Variants in RBM6 observed in about 807,000 individuals in gnomAD.
RBM6 encodes RNA binding motif protein 6.
A neutral mutation model predicts 140.4 loss-of-function variants in RBM6; 23 were observed. The observed-to-expected ratio is 0.16, with a 90% CI of 0.12 to 0.23. The LOEUF is 0.23. RBM6 is among the 10% of genes least tolerant of loss of function. RBM6 has a pLI of 1.00. For synonymous variants in RBM6, 439 were observed against 475.6 expected (o/e 0.92, Z 1.00); for missense variants, 1,139 against 1,386.7 (o/e 0.82, Z 2.84).
At chr3:49,952,292 G>A (rs1458086045) in intron 1 of RBM6, among the ~76,000 whole-genome samples, 10 of 152,092 alleles carry the variant, frequency 6.6e-5, no homozygotes, top group Non-Finnish European at 1.5e-4. Flanking sequence ...GCCTCCCAAA[G>A]TGCTGGGATT....
chr3:49,998,945 C>G (rs1246121563), intron 5 of RBM6, among the ~76,000 whole-genome samples: 1 of 152,042 alleles, frequency 6.6e-6, no homozygotes. Context: ...AGTCTGTCAG[C>G]ACTTCTGTCT....
chr3:50,013,355 G>A (rs2086953465), intron 6 of RBM6, among the ~76,000 whole-genome samples: 1 of 151,818 alleles, frequency 6.6e-6, no homozygotes, highest in African/African-American at 2.4e-5. Context: ...GCACTGTGAG[G>A]TTTTTATAGG....
chr3:50,000,750 G>A (rs1247612591), intron 6 of RBM6, among the ~76,000 whole-genome samples: 2 of 152,146 alleles, frequency 1.3e-5, no homozygotes, highest in Non-Finnish European at 2.9e-5. Context: ...GGCTCTGCCA[G>A]AGAAGAGTAG....
At chr3:50,021,512 C>T (rs1015649605) in intron 6 of RBM6, among the ~76,000 whole-genome samples, 2 of 151,894 alleles carry the variant, frequency 1.3e-5, no homozygotes, top group African/African-American at 2.4e-5. Context: ...TGGTGGCACA[C>T]GCCTGTAATC....
At chr3:50,011,839 C>CT (rs201167549) in intron 6 of RBM6, among the ~76,000 whole-genome samples, 16,384 of 143,662 alleles carry the variant, frequency 0.11, 978 homozygotes, top group African/African-American at 0.15. Context: ...TCTTTTCTTT[C>CT]TTTTTTTTTT....
chr3:50,005,495 C>CAAAAAAAAA (rs35202304), intron 6 of RBM6, among the ~76,000 whole-genome samples: 1 of 101,380 alleles, frequency 9.9e-6, no homozygotes. Flanking sequence ...GATCCTGCCT[C>CAAAAAAAAA]AAAAAAAAAA....
At chr3:49,949,384 AT>A (rs923797062) in intron 1 of RBM6, among the ~76,000 whole-genome samples, 3 of 150,046 alleles carry the variant, frequency 2.0e-5, no homozygotes, top group Non-Finnish European at 4.5e-5. Context: ...TCAGGACAAC[AT>A]TTTTTTTTGT....
chr3:50,045,285 C>T (rs1019209885), intron 6 of RBM6, among the ~76,000 whole-genome samples: 4 of 152,134 alleles, frequency 2.6e-5, no homozygotes, highest in African/African-American at 9.7e-5. Flanking sequence ...GACAGTAGTG[C>T]CTTGTTCTTA....
At chr3:50,069,287 C>T (rs997835115) in intron 18 of RBM6, among the ~76,000 whole-genome samples, 1 of 151,888 alleles carries the variant, frequency 6.6e-6, no homozygotes, top group Non-Finnish European at 1.5e-5. Context: ...CTGAGACGGG[C>T]GGATCACTTG....
At chr3:50,049,907 C>G (rs1384122734) in intron 7 of RBM6, among the ~76,000 whole-genome samples, 1 of 150,992 alleles carries the variant, frequency 6.6e-6, no homozygotes, top group East Asian at 1.9e-4. Flanking sequence ...AGGCTGGTCT[C>G]ACAGTCCCTG....
At position 49,984,833 on chromosome 3, in the gene RBM6, G is replaced by A. The variant is rs564024761; in HGVS notation, c.1483+9441G>A. ...AAATTTTCAGATTTTGCATCTTCTG[G>A]CATCTCAGCTAAATAGCTCTGAGGA... On this transcript the variant is annotated intron_variant, in intron 5 of 20. Transcript: ENST00000266022. Among the ~76,000 whole-genome samples, 182 of 152,294 alleles carry A rather than the reference G, an allele frequency of 1.2e-3. 6 individuals are homozygous for A. The South Asian group carries it at 0.036, about 31-fold the overall frequency.
At chr3:50,041,026 C>T (rs564762941) in intron 6 of RBM6, among the ~76,000 whole-genome samples, 7 of 152,222 alleles carry the variant, frequency 4.6e-5, no homozygotes, top group East Asian at 1.9e-4. Flanking sequence ...AACAGTCAGC[C>T]GTTTTGCTTC....
At chr3:50,042,217 CTT>C (rs2088959447) in intron 6 of RBM6, among the ~76,000 whole-genome samples, 1 of 152,192 alleles carries the variant, frequency 6.6e-6, no homozygotes, top group Non-Finnish European at 1.5e-5. Context: ...GTAATTGTGA[CTT>C]TTCAATGTGA....
In RBM6 at chr3:50,070,566, T is replaced by A; in HGVS notation, c.3116+14T>A. ...GGAAACTGACAGGTAAGCCAGGAAC[T>A]CTTCATTCAGCCTAGGCCTCAAGCC... On this transcript the variant is annotated intron_variant, in intron 19 of 20. Transcript: ENST00000266022. The A allele has an allele frequency of 6.3e-7, 1 of 1,590,730 alleles. No individual in the cohort carries two copies.
rs534993310 is a variant in RBM6, at chr3:50,063,623, G to A, written c.2587-1408G>A. Among the ~76,000 whole-genome samples, 50 of 151,468 alleles carry A rather than the reference G, an allele frequency of 3.3e-4. No homozygotes were observed. The South Asian group carries it at 9.8e-3, about 30-fold the overall frequency. ...AAAAAAAAAAAAAAGAAAATCTGCCGGGCATGGTGGCTCATGCCTGTAATC... is the reference window on the plus strand; with the variant it reads ...AAAAAAAAAAAAAAGAAAATCTGCCAGGCATGGTGGCTCATGCCTGTAATC... On this transcript the variant is annotated intron_variant, in intron 15 of 20. Coordinates refer to ENST00000266022, the MANE Select transcript of RBM6 (RefSeq NM_005777.3).
intron 6 of RBM6, among the ~76,000 whole-genome samples, chr3:50,025,250 C>G (rs2108805497): frequency 1.3e-5 from 2 of 151,916 alleles, no homozygotes; most frequent in South Asian, 4.2e-4. Flanking sequence ...TGGCGAAACC[C>G]CGTCTTTTCT....
chr3:49,971,073 C>A (rs1179712398), intron 3 of RBM6, among the ~76,000 whole-genome samples: 2 of 151,758 alleles, frequency 1.3e-5, no homozygotes, highest in Non-Finnish European at 2.9e-5. Flanking sequence ...TTGAGACCAG[C>A]CTGACCAACA....
chr3:49,985,705 C>T lies in RBM6; in HGVS notation c.1483+10313C>T, dbSNP rs1209451021. On this transcript the variant is annotated intron_variant, in intron 5 of 20. Coordinates refer to ENST00000266022, the MANE Select transcript of RBM6 (RefSeq NM_005777.3). ...CACTGCAACCTCCACCTCCCGGGTT[C>T]ACGCCATTCTCCTGCCTCAGCCTCC... Among the ~76,000 whole-genome samples, 14 of 151,798 alleles carry T rather than the reference C, an allele frequency of 9.2e-5. No individual in the cohort carries two copies. In the East Asian group the frequency reaches 2.0e-3, roughly 21 times the overall value.
chr3:49,993,299 A>G (rs2085913277), intron 5 of RBM6, among the ~76,000 whole-genome samples: 1 of 152,206 alleles, frequency 6.6e-6, no homozygotes, highest in Admixed American at 6.5e-5. Flanking sequence ...TTTTTTCTTT[A>G]AATAACCAGT....
Sources: gnomAD v4.1 joint callset for allele counts (sites outside exome capture counted in the v4.1 genomes callset) on GRCh38, gnomAD v4.1.1 for gene constraint, MANE v1.5 for transcripts, NCBI Gene and HGNC (gene_info 2026-07-23, HGNC 2026-07-21) for gene names.